GINS3: variants seen among roughly 807,000 people sequenced by gnomAD.
GINS3 encodes the protein DNA replication complex GINS protein PSF3.
GINS3 carries 18 observed loss-of-function variants against 20.0 expected under a neutral mutation model. The ratio of observed to expected loss-of-function variants is 0.90; its 90% CI spans 0.62 to 1.33. GINS3 has a LOEUF of 1.33. Ranked by LOEUF, GINS3 falls within the 40% of genes most tolerant of loss-of-function variation. GINS3 has a pLI of 0.00. For missense variants in GINS3, 254 were observed against 273.6 expected, an observed-to-expected ratio of 0.93 and a Z score of 0.51; for synonymous variants, 109 against 107.0, an observed-to-expected ratio of 1.02 and a Z score of -0.12.
Position 58,395,334 on chromosome 16 carries a change from TA to T in GINS3, c.186+2548del, listed in dbSNP as rs759428577. ...TCTGTAATATTTGTATATATATATA[TA>T]TATTTTTTTTTTAATTGATCATTCT... On this transcript the variant is annotated intron_variant, in intron 1 of 2. Transcript: ENST00000318129. 1,554 of 183,838 alleles carry T rather than the reference TA, an allele frequency of 8.5e-3. 5 individuals are homozygous for T. The highest frequency in any genetic ancestry group is 0.018 in the Middle Eastern group (8 of 446). 11.4% of individuals were successfully genotyped at this position (183,838 alleles called of 1,614,324 possible). A position where few individuals can be genotyped will look rare whatever the true frequency, so the allele number is the denominator to read the frequency against.
intron 2 of GINS3, chr16:58,403,713 T>C: frequency 9.5e-6 from 2 of 211,460 alleles, no homozygotes; most frequent in Non-Finnish European, 1.9e-5. Context: ...CTGGGCAACA[T>C]AGTGAGATCC....
chr16:58,405,337 G>T lies in GINS3; in HGVS notation c.*608G>T, dbSNP rs1465485455. On this transcript the variant is annotated 3_prime_UTR_variant, in exon 3 of 3. Coordinates refer to ENST00000318129, the MANE Select transcript of GINS3 (RefSeq NM_022770.4). ...GCATGGCTTTTACTAAAGAAAAGATGTTGGCCTCATACTCTATACTCAGGG... is the reference window on the plus strand; with the variant it reads ...GCATGGCTTTTACTAAAGAAAAGATTTTGGCCTCATACTCTATACTCAGGG... 2 of 153,526 alleles carry T rather than the reference G, an allele frequency of 1.3e-5. No individual in the cohort carries two copies. The highest frequency in any genetic ancestry group is 6.5e-5 in the Admixed American group (1 of 15,466). 9.5% of individuals were successfully genotyped at this position (153,526 alleles called of 1,614,324 possible). A position where few individuals can be genotyped will look rare whatever the true frequency, so the allele number is the denominator to read the frequency against.
intron 1 of GINS3, among the ~76,000 whole-genome samples, chr16:58,399,322 C>T (rs34136914): frequency 0.18 from 28,023 of 151,656 alleles, 3,042 homozygotes; most frequent in Middle Eastern, 0.27. Context: ...ATGTTAAAGT[C>T]TCTCATTATG....
intron 1 of GINS3, among the ~76,000 whole-genome samples, chr16:58,401,606 C>T (rs1039883874): frequency 1.3e-5 from 2 of 152,200 alleles, no homozygotes; most frequent in Non-Finnish European, 2.9e-5. Flanking sequence ...TAGCTAGATA[C>T]AGAGCACTGA....
At position 58,405,861 on chromosome 16, in the gene GINS3, T is replaced by C. The variant is rs1359134380; in HGVS notation, c.*1132T>C. On this transcript the variant is annotated 3_prime_UTR_variant, in exon 3 of 3. Coordinates refer to ENST00000318129, the MANE Select transcript of GINS3 (RefSeq NM_022770.4). ...CACCTCACAACTAGCAAAAATTGTC[T>C]TTGTCTTTGGAAATTATAGAGGGAT... is the stretch of plus-strand genomic sequence containing the variant. The C allele has an allele frequency of 3.9e-5, 6 of 152,198 alleles. No homozygotes were observed. Among genetic ancestry groups the C allele is most frequent in the Non-Finnish European group, 5.9e-5 (4 of 68,038 alleles). 9.4% of individuals were successfully genotyped at this position (152,198 alleles called of 1,614,324 possible). A position where few individuals can be genotyped will look rare whatever the true frequency, so the allele number is the denominator to read the frequency against.
At chr16:58,401,262 G>A (rs111769861) in intron 1 of GINS3, among the ~76,000 whole-genome samples, 9,895 of 152,174 alleles carry the variant, frequency 0.065, 450 homozygotes, top group Non-Finnish European at 0.096. Flanking sequence ...TGGGTTTGTG[G>A]TCTCGCTGGC....
At chr16:58,397,077 C>T (rs2151492789) in intron 1 of GINS3, among the ~76,000 whole-genome samples, 1 of 152,026 alleles carries the variant, frequency 6.6e-6, no homozygotes, top group East Asian at 2.0e-4. Context: ...TGACCCCCAC[C>T]TCCCTCCTGG....
intron 2 of GINS3, chr16:58,404,261 T>C: frequency 1.9e-6 from 1 of 532,758 alleles, no homozygotes. Flanking sequence ...TTACATGTAT[T>C]CATTGGTTTT....
At chr16:58,396,021 T>A (rs12927727) in intron 1 of GINS3, among the ~76,000 whole-genome samples, 364 of 81,304 alleles carry the variant, frequency 4.5e-3, no homozygotes, top group Middle Eastern at 0.017. Flanking sequence ...CTCCTCACTT[T>A]CCAGTAGGGG....
chr16:58,404,032 T>C (rs1212383731), intron 2 of GINS3: 4 of 165,174 alleles, frequency 2.4e-5, no homozygotes, highest in Admixed American at 1.1e-4. Flanking sequence ...CAATAACTCA[T>C]ATTGTTATTA....
Position 58,392,573 on chromosome 16 carries a change from G to C in GINS3, c.-29G>C, listed in dbSNP as rs1175204307. 1 of 1,610,988 alleles carries C rather than the reference G, an allele frequency of 6.2e-7. No individual in the cohort carries two copies. The highest frequency in any genetic ancestry group is 1.1e-5 in the South Asian group (1 of 90,838). On this transcript the variant is annotated 5_prime_UTR_variant, in exon 1 of 3. Coordinates refer to ENST00000318129, the MANE Select transcript of GINS3 (RefSeq NM_022770.4). ...CCTGAGGCTCCTCCGAATCACGCGAGTGGAAGCGGAGAAGCTCAAGTGGCC... is the reference window on the plus strand; with the variant it reads ...CCTGAGGCTCCTCCGAATCACGCGACTGGAAGCGGAGAAGCTCAAGTGGCC...
In GINS3 at chr16:58,404,328, C is replaced by T. The variant is rs1274788693; in HGVS notation, c.421-171C>T. On this transcript the variant is annotated intron_variant, in intron 2 of 2. Transcript: ENST00000318129. ...CACTTCACAGATGAGGAAATTGAGG[C>T]ATGGCAATGTGCAATAACTTACTTG... 3 of 607,074 alleles carry T rather than the reference C, an allele frequency of 4.9e-6. No individual in the cohort carries two copies. In the African/African-American group the frequency reaches 5.6e-5, roughly 11 times the overall value. 37.6% of individuals were successfully genotyped at this position (607,074 alleles called of 1,614,324 possible).
rs561793406 is a variant in GINS3 at position 58,392,940 on chromosome 16, C to G, written c.186+153C>G. 47 of 756,872 alleles carry G rather than the reference C, an allele frequency of 6.2e-5. No homozygotes were observed. In the Admixed American group the frequency reaches 7.9e-4, roughly 13 times the overall value. 46.9% of individuals were successfully genotyped at this position (756,872 alleles called of 1,614,324 possible). On this transcript the variant is annotated intron_variant, in intron 1 of 2. Transcript: ENST00000318129. Reference sequence around the variant, plus strand: ...GGCGCTAACGACTTCTCGGAAACTCCGCGGGGGTCCCTTCGCGCTCGGGGT... The same window carrying G: ...GGCGCTAACGACTTCTCGGAAACTCGGCGGGGGTCCCTTCGCGCTCGGGGT...
rs1965790247 is a variant in GINS3, at chr16:58,392,497, C to T, written c.-105C>T. On this transcript the variant is annotated 5_prime_UTR_variant, in exon 1 of 3. Transcript: ENST00000318129. Reference sequence around the variant, plus strand: ...AACGAGTTTCAATCCACTTTCCTGACCCCAACCATCCTGCCCAGTCTCCGC... The same window carrying T: ...AACGAGTTTCAATCCACTTTCCTGATCCCAACCATCCTGCCCAGTCTCCGC... The T allele has an allele frequency of 7.6e-7, 1 of 1,308,710 alleles. No individual in the cohort carries two copies. Among genetic ancestry groups the T allele is most frequent in the Non-Finnish European group, 1.1e-6 (1 of 939,268 alleles). The allele number at this position is 1,308,710 out of a possible 1,614,324, so 81.1% of individuals were successfully genotyped here.
rs1387165036 is a variant in GINS3, at chr16:58,395,335, A to AT, written c.186+2549dup. On this transcript the variant is annotated intron_variant, in intron 1 of 2. Coordinates refer to ENST00000318129, the MANE Select transcript of GINS3 (RefSeq NM_022770.4). ...CTGTAATATTTGTATATATATATAT[A>AT]TATTTTTTTTTTAATTGATCATTCT... is the stretch of plus-strand genomic sequence containing the variant. 884 of 150,730 alleles carry AT rather than the reference A, an allele frequency of 5.9e-3. 2 individuals are homozygous for AT. Among genetic ancestry groups the AT allele is most frequent in the Middle Eastern group, 8.0e-3 (3 of 376 alleles). The allele number at this position is 150,730 out of a possible 1,614,324, so 9.3% of individuals were successfully genotyped here.
At chr16:58,397,182 A>C (rs1965887897) in intron 1 of GINS3, among the ~76,000 whole-genome samples, 1 of 143,450 alleles carries the variant, frequency 7.0e-6, no homozygotes, top group African/African-American at 2.6e-5. Context: ...GGTGGTTGCC[A>C]GGCAGAGGGT....
intron 1 of GINS3, among the ~76,000 whole-genome samples, chr16:58,396,381 G>A (rs1212096635): frequency 2.8e-4 from 36 of 127,328 alleles, no homozygotes; most frequent in African/African-American, 8.4e-4. Flanking sequence ...GCGGCTGGCC[G>A]GGCAGGGGGC....
intron 1 of GINS3, among the ~76,000 whole-genome samples, chr16:58,400,470 A>C (rs1965940016): frequency 6.6e-6 from 1 of 152,232 alleles, no homozygotes; most frequent in Non-Finnish European, 1.5e-5. Flanking sequence ...TTCCAGAGGG[A>C]AAGCAGGTGT....
At position 58,392,743 on chromosome 16, in the gene GINS3, C is replaced by T. The variant is rs1331173194; in HGVS notation, c.142C>T (p.Leu48=). 6.2e-7 allele frequency: 1 copy of T among 1,613,712 alleles called. No homozygotes were observed. The highest frequency in any genetic ancestry group is 1.1e-5 in the South Asian group (1 of 91,066). ...CATGCCTCGCCTTGGCGCTTTCTTC[C>T]TGGAGCGGAGCGCAGGCGCCGAGAC... is the stretch of plus-strand genomic sequence containing the variant. ...TAMPRLGAFF[L]ERSAGAETDN... Residue 48 remains leucine, a synonymous_variant, in exon 1 of 3, where the codon CTG becomes TTG. Transcript: ENST00000318129.
Sources: gnomAD v4.1 joint callset for allele counts (sites outside exome capture counted in the v4.1 genomes callset) on GRCh38, gnomAD v4.1.1 for gene constraint, MANE v1.5 for transcripts, NCBI Gene and HGNC (gene_info 2026-07-23, HGNC 2026-07-21) for gene names.